Variants in RBFOX1 observed in about 807,000 individuals in gnomAD.
RBFOX1 encodes the protein RNA binding fox-1 homolog 1, also known as RNA binding protein fox-1 homolog 1.
RBFOX1 carries 8 observed loss-of-function variants against 57.7 expected under a neutral mutation model. The observed-to-expected ratio is 0.14, with a 90% CI of 0.08 to 0.25. The LOEUF is 0.25. Among genes scored for constraint, RBFOX1 ranks in the 10% least tolerant of loss-of-function variants. RBFOX1 has a pLI of 1.00. For missense variants in RBFOX1, 611 were observed against 548.5 expected, an observed-to-expected ratio of 1.11 and a Z score of -1.14; for synonymous variants, 326 against 222.4, an observed-to-expected ratio of 1.47 and a Z score of -4.15.
At chr16:6,374,479 G>T (rs753859392) in intron 2 of RBFOX1, among the ~76,000 whole-genome samples, 29 of 152,010 alleles carry the variant, frequency 1.9e-4, no homozygotes, top group South Asian at 4.2e-4. Context: ...TACTATTTTT[G>T]GCCATATATA....
At chr16:6,259,497 C>G (rs1161952461) in intron 1 of RBFOX1, among the ~76,000 whole-genome samples, 1 of 152,104 alleles carries the variant, frequency 6.6e-6, no homozygotes, top group Non-Finnish European at 1.5e-5. Flanking sequence ...GGTAAAATAT[C>G]TTTCTTCTTT....
At chr16:6,050,525 G>A (rs907676453) in intron 1 of RBFOX1, among the ~76,000 whole-genome samples, 2 of 152,066 alleles carry the variant, frequency 1.3e-5, no homozygotes, top group African/African-American at 4.8e-5. Flanking sequence ...TACATTGATC[G>A]ATTGTCTCCC....
chr16:7,433,216 A>G (rs1303673140), intron 4 of RBFOX1, among the ~76,000 whole-genome samples: 3 of 152,210 alleles, frequency 2.0e-5, no homozygotes, highest in Non-Finnish European at 4.4e-5. Context: ...TTTAATATGC[A>G]AAAAGGTTTT....
intron 4 of RBFOX1, among the ~76,000 whole-genome samples, chr16:7,071,749 A>T (rs1207023681): frequency 1.3e-5 from 2 of 152,108 alleles, no homozygotes; most frequent in Non-Finnish European, 2.9e-5. Context: ...ATTTTAACTT[A>T]AATATCACTT....
chr16:5,447,067 C>G (rs2068264073), intron 1 of RBFOX1, among the ~76,000 whole-genome samples: 1 of 152,172 alleles, frequency 6.6e-6, no homozygotes, highest in Non-Finnish European at 1.5e-5. Context: ...AACAAACCAT[C>G]ACGATCAACA....
chr16:5,719,540 C>T (rs2051850073), intron 3 of RBFOX1, among the ~76,000 whole-genome samples: 1 of 152,108 alleles, frequency 6.6e-6, no homozygotes, highest in East Asian at 1.9e-4. Flanking sequence ...ATAAGCTTCC[C>T]ACCCATTAAG....
At chr16:5,477,674 G>A (rs888520410) in intron 2 of RBFOX1, among the ~76,000 whole-genome samples, 1 of 152,120 alleles carries the variant, frequency 6.6e-6, no homozygotes, top group African/African-American at 2.4e-5. Flanking sequence ...CTATCTGGGG[G>A]CTGGGGTGCA....
chr16:7,019,761 C>G (rs1046265810), intron 3 of RBFOX1, among the ~76,000 whole-genome samples: 1 of 152,158 alleles, frequency 6.6e-6, no homozygotes, highest in Non-Finnish European at 1.5e-5. Flanking sequence ...GGGCTTTGCC[C>G]ACCAGGTTTA....
intron 1 of RBFOX1, among the ~76,000 whole-genome samples, chr16:5,290,926 T>C (rs2063518671): frequency 6.6e-6 from 1 of 152,190 alleles, no homozygotes; most frequent in African/African-American, 2.4e-5. Context: ...CTCAAACTCC[T>C]GGATCTCAGG....
chr16:6,922,190 A>G (rs1050765299), intron 3 of RBFOX1, among the ~76,000 whole-genome samples: 3 of 152,150 alleles, frequency 2.0e-5, no homozygotes, highest in East Asian at 1.9e-4. Flanking sequence ...GGTAGGTGCA[A>G]TTCAGTGGTT....
intron 3 of RBFOX1, among the ~76,000 whole-genome samples, chr16:6,986,744 A>G (rs951599141): frequency 7.2e-5 from 11 of 152,026 alleles, no homozygotes; most frequent in Non-Finnish European, 1.6e-4. Context: ...GTGACAAGAA[A>G]GAAGGTGGTC....
chr16:6,372,068 T>A (rs1475200665), intron 2 of RBFOX1, among the ~76,000 whole-genome samples: 2 of 152,160 alleles, frequency 1.3e-5, no homozygotes, highest in Admixed American at 1.3e-4. Context: ...TTGGTTAGGA[T>A]CATTGGGTAG....
intron 4 of RBFOX1, among the ~76,000 whole-genome samples, chr16:5,930,218 G>A (rs2059020422): frequency 1.5e-5 from 2 of 130,490 alleles, no homozygotes; most frequent in Admixed American, 8.3e-5. Context: ...TGGATGGATG[G>A]ATGGATGGAT....
chr16:5,851,078 G>C (rs1046231105), intron 3 of RBFOX1, among the ~76,000 whole-genome samples: 12 of 152,124 alleles, frequency 7.9e-5, no homozygotes, highest in Admixed American at 3.9e-4. Context: ...CAATTCCCAG[G>C]CCTGCTTTAT....
At chr16:5,714,795 T>C (rs923136033) in intron 3 of RBFOX1, among the ~76,000 whole-genome samples, 70 of 152,160 alleles carry the variant, frequency 4.6e-4, no homozygotes, top group African/African-American at 1.7e-3. Flanking sequence ...CCTCGTAAGG[T>C]AGAAACTATT....
chr16:7,362,442 T>G (rs1211609140), intron 4 of RBFOX1, among the ~76,000 whole-genome samples: 1 of 151,858 alleles, frequency 6.6e-6, no homozygotes, highest in Non-Finnish European at 1.5e-5. Flanking sequence ...GTGTTCTGCG[T>G]GTACGTAGTA....
chr16:6,404,237 TTAAG>T (rs1455152474), intron 2 of RBFOX1, among the ~76,000 whole-genome samples: 1 of 152,222 alleles, frequency 6.6e-6, no homozygotes, highest in African/African-American at 2.4e-5. Flanking sequence ...TGCATTTGTA[TTAAG>T]TTTTACAAGT....
At chr16:6,194,915 T>A (rs1253969680) in intron 1 of RBFOX1, among the ~76,000 whole-genome samples, 1 of 152,190 alleles carries the variant, frequency 6.6e-6, no homozygotes, top group Non-Finnish European at 1.5e-5. Context: ...AATGAGTGAG[T>A]AGATATGAAT....
intron 3 of RBFOX1, among the ~76,000 whole-genome samples, chr16:5,817,629 G>C (rs114394948): frequency 3.3e-5 from 5 of 151,688 alleles, no homozygotes; most frequent in Non-Finnish European, 7.4e-5. Flanking sequence ...AGGGGAGAGA[G>C]AAAGGGGTTC....
Sources: gnomAD v4.1 joint callset for allele counts (sites outside exome capture counted in the v4.1 genomes callset) on GRCh38, gnomAD v4.1.1 for gene constraint, MANE v1.5 for transcripts, NCBI Gene and HGNC (gene_info 2026-07-23, HGNC 2026-07-21) for gene names.